PEX5L: variants seen among roughly 807,000 people sequenced by gnomAD.
PEX5L encodes peroxisomal biogenesis factor 5 like.
PEX5L carries 30 observed loss-of-function variants against 84.0 expected under a neutral mutation model. That is an observed-to-expected ratio of 0.36 (90% confidence interval 0.27 to 0.48). The LOEUF is 0.48. Among genes scored for constraint, PEX5L ranks in the 20% least tolerant of loss-of-function variants. The pLI is 0.99. For missense variants in PEX5L, 533 were observed against 754.6 expected (o/e 0.71, Z 3.44); for synonymous variants, 270 against 283.1 (o/e 0.95, Z 0.46).
intron 1 of PEX5L, among the ~76,000 whole-genome samples, chr3:179,995,051 T>A (rs1412279084): frequency 2.0e-5 from 3 of 149,006 alleles, no homozygotes; most frequent in African/African-American, 7.4e-5. Context: ...CCTATATATA[T>A]ATATGTAGTT....
intron 3 of PEX5L, among the ~76,000 whole-genome samples, chr3:179,894,269 T>C (rs1367340144): frequency 6.6e-6 from 1 of 152,058 alleles, no homozygotes; most frequent in African/African-American, 2.4e-5. Flanking sequence ...TAAAGACAAC[T>C]AAATCATTAC....
intron 10 of PEX5L, among the ~76,000 whole-genome samples, chr3:179,812,902 T>C (rs72622572): frequency 0.16 from 23,816 of 151,618 alleles, 1,961 homozygotes; most frequent in Middle Eastern, 0.19. Context: ...CCAAACATCA[T>C]TTTAGATTAT....
intron 8 of PEX5L, among the ~76,000 whole-genome samples, chr3:179,825,989 C>T (rs1730346990): frequency 6.6e-6 from 1 of 152,200 alleles, no homozygotes; most frequent in South Asian, 2.1e-4. Context: ...TACTAGCACT[C>T]AGATTTTTCT....
At chr3:180,028,709 G>A (rs991490896) in intron 1 of PEX5L, among the ~76,000 whole-genome samples, 6 of 152,184 alleles carry the variant, frequency 3.9e-5, no homozygotes, top group Non-Finnish European at 7.3e-5. Context: ...TTCCCCATCT[G>A]TGAGATGAGA....
rs370688313 is a variant in PEX5L, at chr3:179,920,756, A to G, written c.94-22510T>C. Among the ~76,000 whole-genome samples, 71 of 152,298 alleles carry G rather than the reference A, an allele frequency of 4.7e-4. 1 individual carries two copies. The highest frequency in any genetic ancestry group is 1.6e-3 in the African/African-American group (65 of 41,578). On this transcript the variant is annotated intron_variant, in intron 2 of 14. Transcript: ENST00000467460. ...ACAGAAGCCATATTAATTTTGTTCA[A>G]TATGGAATCCCCATCATCTAAAAGA...
chr3:179,985,544 AGTAGCT>A (rs1395131401), intron 1 of PEX5L, among the ~76,000 whole-genome samples: 2 of 151,992 alleles, frequency 1.3e-5, no homozygotes, highest in Non-Finnish European at 2.9e-5. Context: ...ACCAGCTTTG[AGTAGCT>A]GCTGGATATC....
At chr3:179,968,120 G>A (rs1783816192) in intron 2 of PEX5L, among the ~76,000 whole-genome samples, 1 of 152,040 alleles carries the variant, frequency 6.6e-6, no homozygotes, top group South Asian at 2.1e-4. Flanking sequence ...ACCTGTAACT[G>A]TATCCATCAT....
rs1254795228 is a variant in PEX5L at position 179,898,173 on chromosome 3, T to G, written c.167A>C (p.Glu56Ala). Residue 56 changes from glutamate to alanine, a missense_variant, in exon 3 of 15, where the codon GAA becomes GCA. Transcript: ENST00000467460. The stretch of plus-strand genomic sequence containing the variant: ...TGTCATAGTAAGGAGGGGCTTTTCT[T>G]CAGCAGACTCCTCCCTCGGTATCTC... ...MKEIPREESAEEKPLLTMTSQ... is the reference protein window; with the variant it reads ...MKEIPREESAAEKPLLTMTSQ... The G allele has an allele frequency of 1.2e-6, 2 of 1,613,412 alleles. No individual in the cohort carries two copies. The highest frequency in any genetic ancestry group is 2.7e-5 in the African/African-American group (2 of 75,006).
chr3:179,898,265 C>T lies in PEX5L; in HGVS notation c.94-19G>A. 2.0e-6 allele frequency: 3 copies of T among 1,507,986 alleles called. No homozygotes were observed. The highest frequency in any genetic ancestry group is 2.8e-6 in the Non-Finnish European group (3 of 1,083,592). The allele number at this position is 1,507,986 out of a possible 1,614,324, so 93.4% of individuals were successfully genotyped here. A position where few individuals can be genotyped will look rare whatever the true frequency, so the allele number is the denominator to read the frequency against. The stretch of plus-strand genomic sequence containing the variant: ...CTTTTCCCTATAACAGTGAAATCAA[C>T]AATGACTGTGTCAGGAGAGATCTTT... On this transcript the variant is annotated intron_variant, in intron 2 of 14. Coordinates refer to ENST00000467460, the MANE Select transcript of PEX5L (RefSeq NM_016559.3).
chr3:179,991,117 C>T (rs1401798985), intron 1 of PEX5L, among the ~76,000 whole-genome samples: 1 of 152,176 alleles, frequency 6.6e-6, no homozygotes, highest in Non-Finnish European at 1.5e-5. Flanking sequence ...AGACTCCTGG[C>T]AGCCTGCTTC....
chr3:180,021,372 C>G (rs898396214), intron 1 of PEX5L, among the ~76,000 whole-genome samples: 12 of 152,186 alleles, frequency 7.9e-5, no homozygotes, highest in African/African-American at 2.9e-4. Context: ...GTTTTTCATA[C>G]TTCAGTGTGC....
intron 1 of PEX5L, among the ~76,000 whole-genome samples, chr3:179,983,635 A>G (rs1786540248): frequency 6.6e-6 from 1 of 152,032 alleles, no homozygotes. Context: ...TTTTTACTTA[A>G]AAGTATGACA....
intron 1 of PEX5L, among the ~76,000 whole-genome samples, chr3:180,005,587 G>C (rs1328363504): frequency 6.6e-6 from 1 of 152,178 alleles, no homozygotes; most frequent in Non-Finnish European, 1.5e-5. Context: ...AAATTGGCCA[G>C]GCATGGTGGT....
intron 8 of PEX5L, among the ~76,000 whole-genome samples, chr3:179,825,421 A>T (rs1319616975): frequency 6.6e-6 from 1 of 152,160 alleles, no homozygotes; most frequent in Non-Finnish European, 1.5e-5. Flanking sequence ...TGACCCAAAG[A>T]ATTCTTTGGT....
intron 2 of PEX5L, among the ~76,000 whole-genome samples, chr3:179,964,877 G>T (rs377044590): frequency 1.3e-5 from 2 of 152,160 alleles, no homozygotes; most frequent in African/African-American, 4.8e-5. Context: ...TTATATACAA[G>T]AACTTATTTC....
chr3:179,812,445 T>C (rs577918785), intron 10 of PEX5L, among the ~76,000 whole-genome samples: 3 of 152,304 alleles, frequency 2.0e-5, no homozygotes, highest in African/African-American at 7.2e-5. Context: ...GACATAATTT[T>C]ATAGTCTACA....
intron 2 of PEX5L, among the ~76,000 whole-genome samples, chr3:179,913,323 G>C (rs1167889435): frequency 1.3e-5 from 2 of 152,028 alleles, no homozygotes; most frequent in African/African-American, 4.8e-5. Flanking sequence ...TAAATTATAT[G>C]TCTATGGGTA....
chr3:179,828,898 G>A (rs984792220), intron 8 of PEX5L, among the ~76,000 whole-genome samples: 30 of 152,156 alleles, frequency 2.0e-4, no homozygotes, highest in African/African-American at 7.2e-4. Flanking sequence ...CCTCACATCT[G>A]CTGTGTGAAT....
chr3:180,018,216 G>A (rs1278258334), intron 1 of PEX5L, among the ~76,000 whole-genome samples: 5 of 152,100 alleles, frequency 3.3e-5, no homozygotes, highest in South Asian at 2.1e-4. Context: ...TAAAACATAC[G>A]TTGTTTCATA....
Sources: allele counts gnomAD v4.1 joint callset (sites outside exome capture counted in the v4.1 genomes callset), GRCh38; gene constraint gnomAD v4.1.1; transcripts MANE v1.5; gene names NCBI Gene and HGNC (gene_info 2026-07-23, HGNC 2026-07-21).